The following DST variants were observed in gnomAD, a reference collection of about 807,000 sequenced individuals.
The protein encoded by DST is bullous pemphigoid antigen.
Under a neutral mutation model 875.2 loss-of-function variants are expected in DST, and 253 were observed. The ratio of observed to expected loss-of-function variants is 0.29; its 90% CI spans 0.26 to 0.32. The LOEUF is 0.32. Ranked by LOEUF, DST falls within the 10% of genes least tolerant of loss-of-function variation. The probability of loss-of-function intolerance (pLI) is 1.00; values close to 1 mark genes in which losing one functional copy is unlikely to be tolerated. For missense variants in DST, 8,287 were observed against 9,111.6 expected (o/e 0.91, Z 3.68); for synonymous variants, 3,124 against 3,197.1 (o/e 0.98, Z 0.77).
At chr6:56,819,758 G>A (rs577491326) in intron 4 of DST, among the ~76,000 whole-genome samples, 6 of 152,302 alleles carry the variant, frequency 3.9e-5, no homozygotes, top group Admixed American at 1.3e-4. Flanking sequence ...ATGTTGCAAT[G>A]AACAAAATGG....
Position 56,572,130 on chromosome 6 carries a change from A to G in DST, c.13691T>C (p.Phe4564Ser), listed in dbSNP as rs1190125027. 1.3e-6 allele frequency: 2 copies of G among 1,516,684 alleles called. No homozygotes were observed. The highest frequency in any genetic ancestry group is 4.3e-5 in the Admixed American group (2 of 46,256). The allele number at this position is 1,516,684 out of a possible 1,614,324, so 94.0% of individuals were successfully genotyped here. ...LEKTNNLSKKFKEMEDTIKEK... is the reference protein window; with the variant it reads ...LEKTNNLSKKSKEMEDTIKEK... ...TTTGATGGTATCCTCCATTTCCTTG[A>G]ATTTCTTTGACAAATTATTTGTTTT... is the stretch of plus-strand genomic sequence containing the variant. Residue 4564 changes from phenylalanine (F) to serine (S), a missense_variant, in exon 53 of 104, where the codon TTC becomes TCC. Phe to Ser is a radical substitution (Grantham distance 155). Transcript: ENST00000680361.
At chr6:56,664,887 A>C (rs1454699161) in intron 10 of DST, among the ~76,000 whole-genome samples, 1 of 152,200 alleles carries the variant, frequency 6.6e-6, no homozygotes, top group Non-Finnish European at 1.5e-5. Context: ...CATAACACAC[A>C]GAAATTCCTA....
chr6:56,548,677 C>T (rs2097269137), intron 61 of DST, among the ~76,000 whole-genome samples: 1 of 152,132 alleles, frequency 6.6e-6, no homozygotes, highest in African/African-American at 2.4e-5. Flanking sequence ...ATTCATTCCA[C>T]CAATTTATAA....
intron 2 of DST, among the ~76,000 whole-genome samples, chr6:56,948,050 A>G (rs1035451044): frequency 6.6e-6 from 1 of 152,128 alleles, no homozygotes; most frequent in African/African-American, 2.4e-5. Context: ...TTCCACCCAC[A>G]TATTTAATGT....
At chr6:56,495,709 G>T (rs1486478377) in intron 82 of DST, among the ~76,000 whole-genome samples, 1 of 151,818 alleles carries the variant, frequency 6.6e-6, no homozygotes, top group Non-Finnish European at 1.5e-5. Context: ...GTCTCCTGTG[G>T]CACTAAAAAC....
chr6:56,533,254 T>C (rs2096928771), intron 63 of DST, among the ~76,000 whole-genome samples: 1 of 152,380 alleles, frequency 6.6e-6, no homozygotes, highest in Middle Eastern at 3.4e-3. Flanking sequence ...TTGCTATAAT[T>C]AGCCTTTTAC....
At chr6:56,624,655 A>T in intron 35 of DST, 27 bp from the exon 36 acceptor site, 1 of 1,423,784 alleles carries the variant, frequency 7.0e-7, no homozygotes, top group Non-Finnish European at 9.9e-7. Context: ...AAATAATAAA[A>T]GCATTACCTC....
chr6:56,563,010 C>G (rs1488502216), intron 55 of DST, among the ~76,000 whole-genome samples: 1 of 152,018 alleles, frequency 6.6e-6, no homozygotes. Flanking sequence ...TGGGTGGGTT[C>G]CAAGTCTTTG....
rs780248720 is a variant in DST at position 56,954,469 on chromosome 6, C to A, written c.119G>T (p.Arg40Leu). The change falls in exon 1 of 104, where the codon CGC becomes CTC. Residue 40 changes from arginine to leucine, a missense_variant. Physicochemically the swap from Arg to Leu is moderately radical, Grantham distance 102. Transcript: ENST00000680361. Reference sequence around the variant, plus strand: ...CGGATGCCTCCCTTTCTGGAGCTTGCGGTGCCAGCAGCAGAAGAAGACGAT... The same window carrying A: ...CGGATGCCTCCCTTTCTGGAGCTTGAGGTGCCAGCAGCAGAAGAAGACGAT... ...ATIVFFCCWH[R>L]KLQKGRHPMK... is the part of the protein sequence containing the mutation. 7.3e-7 allele frequency: 1 copy of A among 1,367,378 alleles called. No homozygotes were observed. The highest frequency in any genetic ancestry group is 9.8e-7 in the Non-Finnish European group (1 of 1,021,768). The allele number at this position is 1,367,378 out of a possible 1,614,324, so 84.7% of individuals were successfully genotyped here.
intron 36 of DST, chr6:56,616,199 C>T: frequency 1.2e-6 from 2 of 1,614,158 alleles, no homozygotes; most frequent in Admixed American, 1.7e-5. Context: ...TGTGATGAGG[C>T]CTTCCTGATA....
intron 10 of DST, among the ~76,000 whole-genome samples, chr6:56,661,733 C>A (rs867178416): frequency 6.6e-6 from 1 of 152,002 alleles, no homozygotes; most frequent in East Asian, 1.9e-4. Flanking sequence ...ATTACAGGCA[C>A]CTGCCACCAG....
At chr6:56,701,852 T>G in intron 8 of DST, 36 bp downstream of exon 8, 2 of 1,306,030 alleles carry the variant, frequency 1.5e-6, no homozygotes, top group South Asian at 1.3e-5. Context: ...TAGTAACATA[T>G]ATTTATATGA....
chr6:56,486,456 A>C (rs1157190408), intron 87 of DST, among the ~76,000 whole-genome samples: 1 of 150,612 alleles, frequency 6.6e-6, no homozygotes, highest in African/African-American at 2.4e-5. Context: ...AATCTATTTA[A>C]TCTTGATACT....
At chr6:56,900,340 A>T in intron 3 of DST, 81 bp downstream of exon 3, 1 of 1,153,176 alleles carries the variant, frequency 8.7e-7, no homozygotes, top group African/African-American at 1.6e-5. Context: ...AGTTAATCTG[A>T]TAATGTTTTT....
Position 56,898,037 on chromosome 6 carries a change from G to A in DST, c.417+2384C>T, listed in dbSNP as rs1792302286. Among the ~76,000 whole-genome samples the A allele has an allele frequency of 2.6e-5, 4 of 152,186 alleles. No homozygotes were observed. The South Asian group carries it at 8.3e-4, about 31-fold the overall frequency. ...GCACCTTAGCCCTGCCCACATTTCT[G>A]TAAATAGTGCCTTCATTAAACTCTC... On this transcript the variant is annotated intron_variant, in intron 3 of 103. Transcript: ENST00000680361.
chr6:56,933,769 G>A (rs1046670693), intron 2 of DST, among the ~76,000 whole-genome samples: 1 of 152,158 alleles, frequency 6.6e-6, no homozygotes. Context: ...GTATGTGGGA[G>A]CTGATACCAA....
Position 56,640,338 on chromosome 6 carries a change from A to G in DST, c.2295T>C (p.Ala765=), listed in dbSNP as rs980756274. ...ATCCTGATGGGAAACCAGGTGTATA[A>G]GCTGGAGTGACAGATGGAGTCAGGC... ...TSRLTPSVTP[A]YTPGFPSGLV... Residue 765 remains alanine (A), a synonymous_variant, in exon 18 of 104, where the codon GCT becomes GCC. Coordinates refer to ENST00000680361, the MANE Select transcript of DST (RefSeq NM_001374736.1). 6.2e-7 allele frequency: 1 copy of G among 1,614,182 alleles called. No individual in the cohort carries two copies. The highest frequency in any genetic ancestry group is 8.5e-7 in the Non-Finnish European group (1 of 1,180,026).
intron 55 of DST, among the ~76,000 whole-genome samples, chr6:56,566,903 A>G (rs1476860310): frequency 1.3e-5 from 2 of 152,166 alleles, no homozygotes; most frequent in East Asian, 3.8e-4. Context: ...CGATTATTAA[A>G]CTCATATTAC....
intron 4 of DST, among the ~76,000 whole-genome samples, chr6:56,817,656 T>A (rs962296222): frequency 6.6e-6 from 1 of 152,150 alleles, no homozygotes; most frequent in African/African-American, 2.4e-5. Flanking sequence ...TTTTTATGTG[T>A]TAAAGGAAAT....
Sources: allele counts gnomAD v4.1 joint callset (sites outside exome capture counted in the v4.1 genomes callset), GRCh38; gene constraint gnomAD v4.1.1; transcripts MANE v1.5; gene names NCBI Gene and HGNC (gene_info 2026-07-23, HGNC 2026-07-21).